Variants in CEP76 observed in about 807,000 individuals in gnomAD.
The protein encoded by CEP76 is centrosomal protein 76.
In CEP76, 55 loss-of-function variants were observed where a neutral mutation model predicts 83.3. The ratio of observed to expected loss-of-function variants is 0.66; its 90% CI spans 0.53 to 0.83. CEP76 has a LOEUF of 0.83. Among genes scored for constraint, CEP76 ranks in the 40% least tolerant of loss-of-function variants. The pLI, the probability that CEP76 is intolerant of heterozygous loss-of-function variation, is 0.00. For synonymous variants in CEP76, 270 were observed against 274.5 expected, an observed-to-expected ratio of 0.98 and a Z score of 0.16; for missense variants, 694 against 799.5, an observed-to-expected ratio of 0.87 and a Z score of 1.59.
chr18:12,679,964 G>A (rs1270332263), intron 9 of CEP76, among the ~76,000 whole-genome samples: 1 of 151,648 alleles, frequency 6.6e-6, no homozygotes, highest in East Asian at 1.9e-4. Context: ...GCTGAGGTAG[G>A]AGGACCACCA....
intron 7 of CEP76, among the ~76,000 whole-genome samples, chr18:12,688,789 G>C (rs2039637983): frequency 6.6e-6 from 1 of 152,118 alleles, no homozygotes; most frequent in Non-Finnish European, 1.5e-5. Flanking sequence ...TACCATACTG[G>C]TTAGCACAGA....
chr18:12,678,943 GA>G (rs200540833), intron 9 of CEP76: 1 of 149,590 alleles, frequency 6.7e-6, no homozygotes, highest in Non-Finnish European at 1.5e-5. Context: ...CCATCTCCAA[GA>G]AAAAAAAATA....
chr18:12,686,079 T>C (rs906185225), intron 8 of CEP76, 183 bp downstream of exon 8: 11 of 488,466 alleles, frequency 2.3e-5, no homozygotes, highest in African/African-American at 1.8e-4. Flanking sequence ...TTTTTATTAT[T>C]GTAATTTTTT....
In CEP76 at chr18:12,702,671, C is replaced by T. The variant is rs1033317000; in HGVS notation, c.-123G>A. ...CAAAGCGCCGCAGCCGTTCGCCTAGCGCAGCTCCCGGGGGACGCAACGCCG... is the reference window on the plus strand; with the variant it reads ...CAAAGCGCCGCAGCCGTTCGCCTAGTGCAGCTCCCGGGGGACGCAACGCCG... On this transcript the variant is annotated 5_prime_UTR_variant, in exon 1 of 12. Transcript: ENST00000262127. The T allele has an allele frequency of 8.9e-7, 1 of 1,128,576 alleles. No individual in the cohort carries two copies. The highest frequency in any genetic ancestry group is 1.2e-6 in the Non-Finnish European group (1 of 818,328). 69.9% of individuals were successfully genotyped at this position (1,128,576 alleles called of 1,614,324 possible).
intron 8 of CEP76, among the ~76,000 whole-genome samples, chr18:12,684,129 A>G (rs1363553063): frequency 2.0e-5 from 3 of 151,270 alleles, no homozygotes; most frequent in Non-Finnish European, 4.4e-5. Flanking sequence ...GGTTCAAGTG[A>G]TTCTCCTTTT....
intron 12 of CEP76, chr18:12,662,312 A>T (rs2038708140): frequency 2.8e-6 from 1 of 362,898 alleles, no homozygotes; most frequent in African/African-American, 2.2e-5. Flanking sequence ...CAGTTATACA[A>T]CTTGAAGGGT....
chr18:12,681,228 TCA>T (rs2039337808), intron 8 of CEP76, among the ~76,000 whole-genome samples: 3 of 146,860 alleles, frequency 2.0e-5, no homozygotes, highest in African/African-American at 7.4e-5. Context: ...TATAAAGAAC[TCA>T]CACAACACAG....
chr18:12,662,636 G>C (rs1322054463), intron 12 of CEP76, among the ~76,000 whole-genome samples: 1 of 152,126 alleles, frequency 6.6e-6, no homozygotes, highest in Non-Finnish European at 1.5e-5. Context: ...AAGTAACCAG[G>C]CATGGTGGTG....
chr18:12,664,494 G>C (rs1229701941), intron 12 of CEP76, among the ~76,000 whole-genome samples: 1 of 151,892 alleles, frequency 6.6e-6, no homozygotes, highest in Non-Finnish European at 1.5e-5. Context: ...AGATCGCAGT[G>C]AGCCAAGATC....
Position 12,674,595 on chromosome 18 carries a change from T to C in CEP76, c.1782A>G (p.Lys594=), listed in dbSNP as rs2039055490. 2.5e-6 allele frequency: 4 copies of C among 1,614,140 alleles called. No individual in the cohort carries two copies. The highest frequency in any genetic ancestry group is 3.4e-6 in the Non-Finnish European group (4 of 1,180,012). The change falls in exon 11 of 12, where the codon AAA becomes AAG. Residue 594 remains lysine (K), a synonymous_variant. Coordinates refer to ENST00000262127, the MANE Select transcript of CEP76 (RefSeq NM_024899.4). ...TATACACAAAATGTATTGGGAACCC[T>C]TTAAATGTGTGACCATCAGGTACAG... The part of the protein sequence containing the change: ...RRAVPDGHTF[K]GFPIHFVYRN...
intron 8 of CEP76, among the ~76,000 whole-genome samples, chr18:12,682,962 C>G (rs979435077): frequency 6.6e-6 from 1 of 151,816 alleles, no homozygotes; most frequent in African/African-American, 2.4e-5. Flanking sequence ...AGATTTTGTC[C>G]TAAAGAAAAT....
intron 5 of CEP76, among the ~76,000 whole-genome samples, chr18:12,695,620 A>G (rs2039927970): frequency 6.6e-6 from 1 of 151,986 alleles, no homozygotes; most frequent in Non-Finnish European, 1.5e-5. Flanking sequence ...TATGTTATTC[A>G]GGTTGGTCTT....
intron 9 of CEP76, 106 bp downstream of exon 9, chr18:12,680,556 C>G (rs2039307863): frequency 1.3e-6 from 1 of 751,624 alleles, no homozygotes. Flanking sequence ...GAGATTGTGC[C>G]AGTGCACTCC....
At chr18:12,694,022 A>T (rs1001139658) in intron 6 of CEP76, among the ~76,000 whole-genome samples, 1 of 152,068 alleles carries the variant, frequency 6.6e-6, no homozygotes, top group Non-Finnish European at 1.5e-5. Flanking sequence ...TTGTAGAGAC[A>T]GGGTCTCACT....
chr18:12,688,618 T>G (rs191531979), intron 7 of CEP76, among the ~76,000 whole-genome samples: 1 of 152,344 alleles, frequency 6.6e-6, no homozygotes, highest in African/African-American at 2.4e-5. Flanking sequence ...ACAAGCTACT[T>G]AACTGTTTTG....
intron 4 of CEP76, 120 bp downstream of exon 4, chr18:12,698,859 A>C (rs765090670): frequency 2.3e-4 from 162 of 711,516 alleles, no homozygotes; most frequent in Non-Finnish European, 3.5e-4. Context: ...GCAGTGGGAA[A>C]CAAAATAGAG....
rs1298646183 is a variant in CEP76, at chr18:12,701,103, T to A, written c.74A>T (p.His25Leu). Residue 25 changes from histidine to leucine, a missense_variant, in exon 2 of 12, where the codon CAT becomes CTT. Transcript: ENST00000262127. ...AGCAAGGATTTCTCTTATTCTACCA[T>A]GGACATCCATCTATGTAGAAAACTC... Reference protein sequence around the residue: ...IHQQLSKMDVHGRIREILAET... With the variant: ...IHQQLSKMDVLGRIREILAET... 5 of 1,611,488 alleles carry A rather than the reference T, an allele frequency of 3.1e-6. No homozygotes were observed. Among genetic ancestry groups the A allele is most frequent in the Non-Finnish European group, 3.4e-6 (4 of 1,178,774 alleles).
In CEP76 at chr18:12,702,467, C is replaced by T. The variant is rs760481464; in HGVS notation, c.63+19G>A. 1 of 1,590,874 alleles carries T rather than the reference C, an allele frequency of 6.3e-7. No individual in the cohort carries two copies. Among genetic ancestry groups the T allele is most frequent in the Non-Finnish European group, 8.6e-7 (1 of 1,162,818 alleles). ...TATGGGTCGGCCCGGCGGTCTCTCC[C>T]AGCACCCGCGACTCTCACCTTGCTC... is the stretch of plus-strand genomic sequence containing the variant. On this transcript the variant is annotated intron_variant, in intron 1 of 11. Transcript: ENST00000262127.
chr18:12,678,494 G>T, intron 9 of CEP76, 52 bp from the exon 10 acceptor site: 1 of 1,195,642 alleles, frequency 8.4e-7, no homozygotes, highest in Non-Finnish European at 1.2e-6. Context: ...TAAAAAGGCA[G>T]CATCTTACTG....
Sources: allele counts gnomAD v4.1 joint callset (sites outside exome capture counted in the v4.1 genomes callset), GRCh38; gene constraint gnomAD v4.1.1; transcripts MANE v1.5; gene names NCBI Gene and HGNC (gene_info 2026-07-23, HGNC 2026-07-21).